The following UNC5D variants were observed in gnomAD, a reference collection of about 807,000 sequenced individuals.
UNC5D encodes unc-5 netrin receptor D.
A neutral mutation model predicts 105.4 loss-of-function variants in UNC5D; 39 were observed. The observed-to-expected ratio is 0.37, with a 90% CI of 0.29 to 0.48. The LOEUF (loss-of-function observed/expected upper bound fraction) is 0.48, where lower values mean the gene tolerates loss of function less well. Among genes scored for constraint, UNC5D ranks in the 20% least tolerant of loss-of-function variants. The pLI is 0.98. For missense variants in UNC5D, 991 were observed against 1,202.4 expected, an observed-to-expected ratio of 0.82 and a Z score of 2.60; for synonymous variants, 452 against 450.4, an observed-to-expected ratio of 1.00 and a Z score of -0.04.
At chr8:35,415,987 T>G (rs1805505740) in intron 1 of UNC5D, among the ~76,000 whole-genome samples, 1 of 152,166 alleles carries the variant, frequency 6.6e-6, no homozygotes, top group Admixed American at 6.6e-5. Context: ...CTGCTGTTGC[T>G]GTTAGTATTA....
chr8:35,508,856 A>T (rs963152453), intron 1 of UNC5D, among the ~76,000 whole-genome samples: 2 of 152,216 alleles, frequency 1.3e-5, no homozygotes, highest in African/African-American at 4.8e-5. Context: ...AACTGGAGGT[A>T]TTTGGCAGAA....
intron 8 of UNC5D, among the ~76,000 whole-genome samples, chr8:35,713,165 A>T (rs1362412487): frequency 3.3e-5 from 5 of 152,000 alleles, no homozygotes; most frequent in Non-Finnish European, 7.4e-5. Context: ...ACATGATGGG[A>T]GTTTGTTAAT....
chr8:35,784,776 G>C (rs527485619), intron 16 of UNC5D, among the ~76,000 whole-genome samples: 1 of 151,986 alleles, frequency 6.6e-6, no homozygotes, highest in Non-Finnish European at 1.5e-5. Context: ...AAAAAATAGA[G>C]AGTAGCTCGT....
At chr8:35,558,968 C>A (rs1816740737) in intron 2 of UNC5D, among the ~76,000 whole-genome samples, 1 of 151,714 alleles carries the variant, frequency 6.6e-6, no homozygotes, top group Non-Finnish European at 1.5e-5. Context: ...GGCAACAGAA[C>A]AAGACTCTGT....
chr8:35,641,859 C>A (rs890634011), intron 4 of UNC5D, among the ~76,000 whole-genome samples: 2 of 152,090 alleles, frequency 1.3e-5, no homozygotes, highest in Admixed American at 1.3e-4. Context: ...TTGTTATAAT[C>A]CTAAATAAAA....
intron 1 of UNC5D, among the ~76,000 whole-genome samples, chr8:35,310,641 A>C (rs896109956): frequency 6.6e-6 from 1 of 152,022 alleles, no homozygotes; most frequent in Non-Finnish European, 1.5e-5. Context: ...AATAAAAATA[A>C]AAATAAAAAA....
intron 1 of UNC5D, among the ~76,000 whole-genome samples, chr8:35,431,500 A>G (rs1257012341): frequency 2.0e-5 from 3 of 152,148 alleles, no homozygotes; most frequent in Non-Finnish European, 4.4e-5. Flanking sequence ...ACAAAAAAGA[A>G]TGTTTCTAGG....
intron 1 of UNC5D, among the ~76,000 whole-genome samples, chr8:35,422,739 A>G (rs1431638312): frequency 6.6e-6 from 1 of 152,230 alleles, no homozygotes; most frequent in Non-Finnish European, 1.5e-5. Flanking sequence ...ACTATGTGCC[A>G]GGTAGTAGGG....
intron 3 of UNC5D, among the ~76,000 whole-genome samples, chr8:35,588,118 C>A (rs1185014045): frequency 1.3e-5 from 2 of 151,604 alleles, no homozygotes. Flanking sequence ...AACAATGTGA[C>A]AATGACTGCT....
chr8:35,430,038 G>A (rs572255701), intron 1 of UNC5D, among the ~76,000 whole-genome samples: 51 of 152,234 alleles, frequency 3.4e-4, no homozygotes, highest in African/African-American at 1.0e-3. Flanking sequence ...TCCCCAAGGT[G>A]ATGTCTTTTG....
chr8:35,292,009 C>G (rs1351591801), intron 1 of UNC5D, among the ~76,000 whole-genome samples: 1 of 152,128 alleles, frequency 6.6e-6, no homozygotes, highest in African/African-American at 2.4e-5. Flanking sequence ...GGTTTCTTCC[C>G]CCATTTTGGC....
intron 4 of UNC5D, among the ~76,000 whole-genome samples, chr8:35,621,770 A>G (rs1328171635): frequency 6.6e-6 from 1 of 152,212 alleles, no homozygotes; most frequent in Non-Finnish European, 1.5e-5. Flanking sequence ...AAAGCATATC[A>G]GATCCTAGAA....
At chr8:35,571,897 C>T (rs1422554774) in intron 3 of UNC5D, among the ~76,000 whole-genome samples, 1 of 152,106 alleles carries the variant, frequency 6.6e-6, no homozygotes, top group Admixed American at 6.6e-5. Context: ...AAATTGGTAT[C>T]CTTTTAATAT....
At chr8:35,519,281 G>A (rs915501844) in intron 1 of UNC5D, among the ~76,000 whole-genome samples, 6 of 152,012 alleles carry the variant, frequency 3.9e-5, no homozygotes, top group Non-Finnish European at 7.4e-5. Context: ...GGGCTGACAT[G>A]ATTACCTCCC....
chr8:35,682,514 G>A (rs1432478804), intron 4 of UNC5D, among the ~76,000 whole-genome samples: 1 of 152,174 alleles, frequency 6.6e-6, no homozygotes, highest in East Asian at 1.9e-4. Context: ...AACTAGAGCT[G>A]AATGGTTGTT....
chr8:35,345,052 T>A (rs1811708934), intron 1 of UNC5D, among the ~76,000 whole-genome samples: 1 of 152,080 alleles, frequency 6.6e-6, no homozygotes, highest in Non-Finnish European at 1.5e-5. Context: ...TGCAACTCCA[T>A]TACATTTAAT....
intron 8 of UNC5D, among the ~76,000 whole-genome samples, chr8:35,706,536 G>A (rs998119514): frequency 1.3e-5 from 2 of 152,132 alleles, no homozygotes; most frequent in Admixed American, 1.3e-4. Context: ...GGCTGGAATG[G>A]CTAGCAGTAT....
intron 1 of UNC5D, among the ~76,000 whole-genome samples, chr8:35,267,856 C>A (rs1489820909): frequency 6.6e-6 from 1 of 152,016 alleles, no homozygotes; most frequent in Non-Finnish European, 1.5e-5. Context: ...GAAAATTGTT[C>A]CAGGTTTGCT....
chr8:35,684,665 T>C lies in UNC5D; in HGVS notation c.835T>C (p.Cys279Arg). 1 of 1,614,028 alleles carries C rather than the reference T, an allele frequency of 6.2e-7. No homozygotes were observed. The highest frequency in any genetic ancestry group is 8.5e-7 in the Non-Finnish European group (1 of 1,179,980). ...AGGATGGCAGAAACGTTCCCGGACC[T>C]GCACCAACCCAGCTCCTCTCAATGG... ...GRGWQKRSRT[C>R]TNPAPLNGGA... is the part of the protein sequence containing the mutation. The change falls in exon 6 of 17, where the codon TGC (cysteine) becomes CGC (arginine). Residue 279 changes from cysteine to arginine, a missense_variant. Cys to Arg is a radical substitution (Grantham distance 180). Coordinates refer to ENST00000404895, the MANE Select transcript of UNC5D (RefSeq NM_080872.4).
Sources: gnomAD v4.1 joint callset for allele counts (sites outside exome capture counted in the v4.1 genomes callset) on GRCh38, gnomAD v4.1.1 for gene constraint, MANE v1.5 for transcripts, NCBI Gene and HGNC (gene_info 2026-07-23, HGNC 2026-07-21) for gene names.